The following UBE4B variants were observed in gnomAD, a reference collection of about 807,000 sequenced individuals.
UBE4B encodes ubiquitin conjugation factor E4 B.
A neutral mutation model predicts 148.1 loss-of-function variants in UBE4B; 27 were observed. The ratio of observed to expected loss-of-function variants is 0.18; its 90% CI spans 0.13 to 0.25. The LOEUF (loss-of-function observed/expected upper bound fraction) is 0.25, where lower values mean the gene tolerates loss of function less well. Ranked by LOEUF, UBE4B falls within the 10% of genes least tolerant of loss-of-function variation. UBE4B has a pLI of 1.00. For missense variants in UBE4B, 1,170 were observed against 1,662.4 expected (o/e 0.70, Z 5.15); for synonymous variants, 596 against 619.3 (o/e 0.96, Z 0.56).
At chr1:10,088,871 G>A (rs1644802921) in intron 2 of UBE4B, among the ~76,000 whole-genome samples, 1 of 151,474 alleles carries the variant, frequency 6.6e-6, no homozygotes, top group South Asian at 2.1e-4. Context: ...TAGAGATGGG[G>A]TCTCTCTATT....
intron 10 of UBE4B, among the ~76,000 whole-genome samples, chr1:10,125,371 A>G (rs1645476460): frequency 6.6e-6 from 1 of 152,114 alleles, no homozygotes; most frequent in African/African-American, 2.4e-5. Flanking sequence ...TTACTTCTCC[A>G]TTTTTATCTG....
chr1:10,110,830 A>G (rs1290903253), intron 7 of UBE4B, among the ~76,000 whole-genome samples: 1 of 152,060 alleles, frequency 6.6e-6, no homozygotes, highest in Non-Finnish European at 1.5e-5. Context: ...ACATAGAAAC[A>G]GTGGAAAAGA....
chr1:10,061,681 C>T (rs1644288393), intron 1 of UBE4B, among the ~76,000 whole-genome samples: 1 of 152,020 alleles, frequency 6.6e-6, no homozygotes, highest in African/African-American at 2.4e-5. Context: ...TTCATGGGTC[C>T]CAGGATTTGG....
chr1:10,142,359 T>C (rs117377626), intron 17 of UBE4B, among the ~76,000 whole-genome samples: 1 of 152,250 alleles, frequency 6.6e-6, no homozygotes, highest in East Asian at 1.9e-4. Flanking sequence ...ACAACACATA[T>C]TACAGTTCTG....
chr1:10,161,402 G>C lies in UBE4B; in HGVS notation c.3198+116G>C. The C allele has an allele frequency of 8.2e-7, 1 of 1,215,914 alleles. No homozygotes were observed. The allele number at this position is 1,215,914 out of a possible 1,614,324, so 75.3% of individuals were successfully genotyped here. ...TGATGATATGCGATCTGACATGCTG[G>C]GATTTTCCTTCCATGAAATCATATT... On this transcript the variant is annotated intron_variant, in intron 23 of 27. Transcript: ENST00000343090. This position sits in a 1 kb window ranked among gnomAD's most constrained non-coding sequence, Gnocchi z 4.1.
At chr1:10,084,851 C>T (rs891257154) in intron 2 of UBE4B, among the ~76,000 whole-genome samples, 7 of 151,846 alleles carry the variant, frequency 4.6e-5, no homozygotes, top group African/African-American at 9.7e-5. Context: ...GCACCCGCCA[C>T]CATTCCTGGC....
chr1:10,162,832 C>T (rs1262121857), intron 23 of UBE4B, among the ~76,000 whole-genome samples: 1 of 152,012 alleles, frequency 6.6e-6, no homozygotes, highest in African/African-American at 2.4e-5. Flanking sequence ...CGTCTCCGTC[C>T]ATGTGTACCA....
chr1:10,072,372 G>C, intron 2 of UBE4B, 158 bp downstream of exon 2: 1 of 869,390 alleles, frequency 1.2e-6, no homozygotes. Flanking sequence ...AATGTGTTGT[G>C]TTATCGCTTT....
chr1:10,130,690 C>G, intron 13 of UBE4B, 25 bp from the exon 14 acceptor site: 1 of 1,613,234 alleles, frequency 6.2e-7, no homozygotes, highest in Non-Finnish European at 8.5e-7. Context: ...TATATGTTGA[C>G]TGCATTTTTT....
At chr1:10,146,543 G>A (rs1447017933) in intron 18 of UBE4B, among the ~76,000 whole-genome samples, 6 of 152,136 alleles carry the variant, frequency 3.9e-5, no homozygotes, top group Admixed American at 2.6e-4. Context: ...AGGCCTCTAG[G>A]TAGGAATTCC....
Position 10,117,453 on chromosome 1 carries a change from C to G in UBE4B, c.1197-6C>G. 1 of 1,605,272 alleles carries G rather than the reference C, an allele frequency of 6.2e-7. No individual in the cohort carries two copies. The highest frequency in any genetic ancestry group is 1.1e-5 in the South Asian group (1 of 89,162). ...GAATCAGAATTTCTTCTTGTCTTCTCTGAAGTTTGGGAGCCTCTGGTGGAG... is the reference window on the plus strand; with the variant it reads ...GAATCAGAATTTCTTCTTGTCTTCTGTGAAGTTTGGGAGCCTCTGGTGGAG... On this transcript the variant is annotated splice_region_variant and splice_polypyrimidine_tract_variant and intron_variant, in intron 7 of 27. Coordinates refer to ENST00000343090, the MANE Select transcript of UBE4B (RefSeq NM_001105562.3).
intron 1 of UBE4B, among the ~76,000 whole-genome samples, chr1:10,061,440 A>G (rs1306853147): frequency 1.3e-5 from 2 of 152,128 alleles, no homozygotes; most frequent in Non-Finnish European, 2.9e-5. Flanking sequence ...ATTTTTTATT[A>G]GAGACGGGGT....
At chr1:10,178,104 G>C (rs1043717159) in intron 25 of UBE4B, among the ~76,000 whole-genome samples, 3 of 152,104 alleles carry the variant, frequency 2.0e-5, no homozygotes, top group Non-Finnish European at 2.9e-5. Flanking sequence ...CCTGACATGT[G>C]CTAGTGCTGA....
intron 1 of UBE4B, among the ~76,000 whole-genome samples, chr1:10,056,468 G>T (rs530070705): frequency 6.6e-6 from 1 of 152,320 alleles, no homozygotes; most frequent in African/African-American, 2.4e-5. Context: ...TGTCATAGTT[G>T]CTGGGAATAC....
At chr1:10,151,596 G>A (rs1436968391) in intron 21 of UBE4B, 35 bp downstream of exon 21, 1 of 1,572,128 alleles carries the variant, frequency 6.4e-7, no homozygotes, top group Non-Finnish European at 8.7e-7. Flanking sequence ...CACATGGCAG[G>A]CCAACTTAGG....
At chr1:10,041,555 G>A (rs1337101207) in intron 1 of UBE4B, among the ~76,000 whole-genome samples, 9 of 150,498 alleles carry the variant, frequency 6.0e-5, no homozygotes, top group South Asian at 2.1e-4. Context: ...GGCTGGTCTC[G>A]AACTTCTGAC....
chr1:10,175,501 AT>A (rs1160693122), intron 25 of UBE4B, among the ~76,000 whole-genome samples: 1 of 141,392 alleles, frequency 7.1e-6, no homozygotes, highest in Non-Finnish European at 1.5e-5. Flanking sequence ...AATACAAAAA[AT>A]TAGCCAGGCG....
At chr1:10,065,360 G>C (rs568560098) in intron 1 of UBE4B, among the ~76,000 whole-genome samples, 1 of 152,294 alleles carries the variant, frequency 6.6e-6, no homozygotes, top group African/African-American at 2.4e-5. Flanking sequence ...TGCGGGGGAG[G>C]AAGGCACAGC....
At chr1:10,178,096 T>C (rs1263428142) in intron 25 of UBE4B, among the ~76,000 whole-genome samples, 1 of 152,014 alleles carries the variant, frequency 6.6e-6, no homozygotes. Flanking sequence ...ATGGAGCCCC[T>C]GACATGTGCT....
Sources: allele counts gnomAD v4.1 joint callset (sites outside exome capture counted in the v4.1 genomes callset), GRCh38; gene constraint gnomAD v4.1.1; non-coding constraint Gnocchi (gnomAD v3.1); transcripts MANE v1.5; gene names NCBI Gene and HGNC (gene_info 2026-07-23, HGNC 2026-07-21).